Variants in ANO1 observed in about 807,000 individuals in gnomAD.
The protein encoded by ANO1 is anoctamin 1, also known as anoctamin-1.
A neutral mutation model predicts 124.0 loss-of-function variants in ANO1; 59 were observed. The ratio of observed to expected loss-of-function variants is 0.48; its 90% CI spans 0.39 to 0.59. The LOEUF is 0.59. Ranked by LOEUF, ANO1 falls within the 20% of genes least tolerant of loss-of-function variation. ANO1 has a pLI of 0.00. For missense variants in ANO1, 1,059 were observed against 1,328.0 expected, an observed-to-expected ratio of 0.80 and a Z score of 3.15; for synonymous variants, 529 against 532.0, an observed-to-expected ratio of 0.99 and a Z score of 0.08.
chr11:70,002,868 T>C (rs1385173231), intron 1 of ANO1, among the ~76,000 whole-genome samples: 1 of 152,154 alleles, frequency 6.6e-6, no homozygotes, highest in Non-Finnish European at 1.5e-5. Context: ...CCAGGCAAAG[T>C]AAAGATCTGA....
intron 1 of ANO1, 100 bp from the exon 2 acceptor site, chr11:70,087,652 G>C (rs1380724978): frequency 8.5e-7 from 1 of 1,181,724 alleles, no homozygotes; most frequent in Admixed American, 3.0e-5. Context: ...TTTGTTGAAC[G>C]AGTGAGTGAG....
At chr11:70,163,643 T>C in intron 19 of ANO1, 2 of 590,470 alleles carry the variant, frequency 3.4e-6, no homozygotes, top group Non-Finnish European at 5.9e-6. Context: ...CTGGTTAAGA[T>C]GAATTAATGA....
intron 22 of ANO1, among the ~76,000 whole-genome samples, chr11:70,173,502 GT>G (rs1233795002): frequency 6.6e-6 from 1 of 152,216 alleles, no homozygotes; most frequent in East Asian, 1.9e-4. Flanking sequence ...CAGCATCCCT[GT>G]TTTGCGTCTG....
intron 1 of ANO1, among the ~76,000 whole-genome samples, chr11:70,060,070 A>G (rs1027786578): frequency 6.7e-6 from 1 of 148,586 alleles, no homozygotes; most frequent in Non-Finnish European, 1.5e-5. Flanking sequence ...GCGGCAGGAG[A>G]GCAGTCTTAA....
chr11:70,071,578 T>C (rs987220512), intron 1 of ANO1, among the ~76,000 whole-genome samples: 25 of 152,042 alleles, frequency 1.6e-4, no homozygotes, highest in African/African-American at 6.0e-4. Flanking sequence ...ATTTCAAATA[T>C]GTAGTTGGAA....
intron 12 of ANO1, 176 bp downstream of exon 12, chr11:70,149,968 T>G (rs1199582576): frequency 9.8e-6 from 7 of 711,934 alleles, no homozygotes; most frequent in Non-Finnish European, 1.5e-5. Flanking sequence ...CACCCTGGCG[T>G]TCCGAACACC....
Position 70,095,340 on chromosome 11 carries a change from G to A in ANO1, c.441+7256G>A, listed in dbSNP as rs1055871132. On this transcript the variant is annotated intron_variant, in intron 2 of 25. Transcript: ENST00000355303. Reference sequence around the variant, plus strand: ...AGAAAGGAAAGAAAGAAAGGAAAGAGAAAGAAAAAGAAAGAAAGAAAGAAA... The same window carrying A: ...AGAAAGGAAAGAAAGAAAGGAAAGAAAAAGAAAAAGAAAGAAAGAAAGAAA... Among the ~76,000 whole-genome samples the A allele has an allele frequency of 6.1e-5, 6 of 97,714 alleles. 1 individual carries two copies. Among genetic ancestry groups the A allele is most frequent in the Non-Finnish European group, 1.0e-4 (5 of 47,792 alleles). 64.1% of individuals were successfully genotyped at this position (97,714 alleles called of 152,430 possible).
chr11:70,142,739 G>C (rs1424914453), intron 11 of ANO1, among the ~76,000 whole-genome samples: 1 of 152,216 alleles, frequency 6.6e-6, no homozygotes, highest in Non-Finnish European at 1.5e-5. Flanking sequence ...CCACAGTTCT[G>C]AGTATGGAGA....
intron 1 of ANO1, among the ~76,000 whole-genome samples, chr11:70,071,562 T>C (rs1227475338): frequency 6.6e-6 from 1 of 152,162 alleles, no homozygotes; most frequent in Admixed American, 6.5e-5. Context: ...AAAATTCACA[T>C]ACCAGATTTC....
chr11:70,030,916 G>A (rs1555003749), intron 1 of ANO1, among the ~76,000 whole-genome samples: 1 of 152,126 alleles, frequency 6.6e-6, no homozygotes, highest in Non-Finnish European at 1.5e-5. Flanking sequence ...ATGCATTCAC[G>A]AGGTTCAATG....
intron 1 of ANO1, among the ~76,000 whole-genome samples, chr11:70,045,806 G>A (rs1857251938): frequency 6.6e-6 from 1 of 152,240 alleles, no homozygotes; most frequent in Non-Finnish European, 1.5e-5. Context: ...CCTGTGTTGT[G>A]TGAGATGGAA....
intron 24 of ANO1, among the ~76,000 whole-genome samples, chr11:70,184,593 C>A (rs74577802): frequency 6.6e-6 from 1 of 152,228 alleles, no homozygotes; most frequent in Non-Finnish European, 1.5e-5. Context: ...GCCCCAGACC[C>A]GGGTAGGGCA....
Position 70,165,483 on chromosome 11 carries a change from G to C in ANO1, c.1964G>C (p.Gly655Ala). 1 of 1,610,610 alleles carries C rather than the reference G, an allele frequency of 6.2e-7. No homozygotes were observed. Among genetic ancestry groups the C allele is most frequent in the South Asian group, 1.1e-5 (1 of 89,958 alleles). Residue 655 changes from glycine (G) to alanine (A), a missense_variant, in exon 20 of 26, where the codon GGC becomes GCC. Around this residue, in one of 2 missense-constraint regions of ANO1, gnomAD observed 809 missense variants for 1,094.9 expected, o/e 0.74. Transcript: ENST00000355303. ...CTCTGTCCACAGTGTGCGCCAGGGG[G>C]CTGCCTGATGGAGCTATGCATCCAG... The part of the protein sequence containing the change: ...SFRMEECAPG[G>A]CLMELCIQLS...
At chr11:70,060,065 A>C (rs782169979) in intron 1 of ANO1, among the ~76,000 whole-genome samples, 2 of 149,236 alleles carry the variant, frequency 1.3e-5, no homozygotes, top group Non-Finnish European at 3.0e-5. Context: ...CCTTGGCGGC[A>C]GGAGAGCAGT....
At chr11:70,103,240 C>T in intron 3 of ANO1, 76 bp downstream of exon 3, 1 of 1,209,188 alleles carries the variant, frequency 8.3e-7, no homozygotes. Context: ...GTGAAACATG[C>T]CGACCTCGAG....
chr11:69,974,662 G>A, the ANO1 span, among the ~76,000 whole-genome samples: 1 of 152,148 alleles, frequency 6.6e-6, no homozygotes, highest in South Asian at 2.1e-4. Flanking sequence ...TCCCCACATT[G>A]TCTCTGAGCC....
rs186466643 is a variant in ANO1 at position 70,177,459 on chromosome 11, G to A, written c.2351-2545G>A. 1.5e-3 allele frequency among the ~76,000 whole-genome samples: 228 copies of A among 152,328 alleles called. 2 individuals carry two copies. Among genetic ancestry groups the A allele is most frequent in the African/African-American group, 5.2e-3 (217 of 41,576 alleles). ...GAGGTCGCCGGGAGGCCTCAGCACA[G>A]ACAGCAGAGCTGCGGTGCACAGCCC... On this transcript the variant is annotated intron_variant, in intron 22 of 25. Coordinates refer to ENST00000355303, the MANE Select transcript of ANO1 (RefSeq NM_018043.7).
chr11:70,086,593 G>A (rs568691672), intron 1 of ANO1, among the ~76,000 whole-genome samples: 16 of 152,328 alleles, frequency 1.1e-4, no homozygotes, highest in East Asian at 3.9e-4. Flanking sequence ...CGCAGGCCAC[G>A]TGTGGGGAAG....
At position 70,126,000 on chromosome 11, in the gene ANO1, A is replaced by G. The variant is rs958429679; in HGVS notation, c.963-61A>G. 13 of 1,526,194 alleles carry G rather than the reference A, an allele frequency of 8.5e-6. No individual in the cohort carries two copies. In the African/African-American group the frequency reaches 1.1e-4, roughly 13 times the overall value. 94.5% of individuals were successfully genotyped at this position (1,526,194 alleles called of 1,614,324 possible). On this transcript the variant is annotated intron_variant, in intron 9 of 25. Coordinates refer to ENST00000355303, the MANE Select transcript of ANO1 (RefSeq NM_018043.7). ...GCTCTTGCTGGGGAGGGCCTGTGAC[A>G]TGTTTCCCTGCTAGTATTGAATGAC...
Sources: gnomAD v4.1 joint callset for allele counts (sites outside exome capture counted in the v4.1 genomes callset) on GRCh38, gnomAD v4.1.1 for gene constraint, gnomAD v4.1.1 regional missense constraint, MANE v1.5 for transcripts, NCBI Gene and HGNC (gene_info 2026-07-23, HGNC 2026-07-21) for gene names.